The following ATL1 variants were observed in gnomAD, a reference collection of about 807,000 sequenced individuals.
ATL1 encodes the protein atlastin-1.
Under a neutral mutation model 75.5 loss-of-function variants are expected in ATL1, and 31 were observed. The observed-to-expected ratio is 0.41, with a 90% confidence interval of 0.31 to 0.55. The LOEUF is 0.55. ATL1 is among the 20% of genes least tolerant of loss of function. ATL1 has a pLI of 0.27. For missense variants in ATL1, 405 were observed against 662.6 expected, an observed-to-expected ratio of 0.61 and a Z score of 4.27; for synonymous variants, 226 against 233.3, an observed-to-expected ratio of 0.97 and a Z score of 0.28.
At chr14:50,592,862 G>A (rs1326247517) in intron 4 of ATL1, among the ~76,000 whole-genome samples, 1 of 146,518 alleles carries the variant, frequency 6.8e-6, no homozygotes, top group Admixed American at 6.8e-5. Context: ...GCAGTGAGCC[G>A]AGATTGCGCC....
At chr14:50,572,026 T>A in intron 1 of ATL1, 2 of 542,338 alleles carry the variant, frequency 3.7e-6, no homozygotes, top group Non-Finnish European at 7.1e-6. Flanking sequence ...ATCACAAGAT[T>A]CATAAAGGGA....
chr14:50,630,668 T>C (rs2039571032), intron 13 of ATL1, among the ~76,000 whole-genome samples: 1 of 152,212 alleles, frequency 6.6e-6, no homozygotes, highest in African/African-American at 2.4e-5. Flanking sequence ...TGAACAACTA[T>C]AGAGATAATT....
chr14:50,538,968 C>T (rs1398316799), intron 1 of ATL1, among the ~76,000 whole-genome samples: 1 of 152,202 alleles, frequency 6.6e-6, no homozygotes, highest in Non-Finnish European at 1.5e-5. Flanking sequence ...TATGGGTGCG[C>T]ACCACTGTGC....
At chr14:50,564,675 A>AAAG (rs1421685442) in intron 1 of ATL1, among the ~76,000 whole-genome samples, 7 of 149,566 alleles carry the variant, frequency 4.7e-5, no homozygotes, top group East Asian at 2.0e-4. Context: ...AAAAAAAAAA[A>AAAG]AAGAAGAAGA....
At chr14:50,534,801 T>A (rs1165568744) in intron 1 of ATL1, among the ~76,000 whole-genome samples, 2 of 152,276 alleles carry the variant, frequency 1.3e-5, no homozygotes, top group Non-Finnish European at 2.9e-5. Flanking sequence ...TAAGGATTTT[T>A]AAAATACTGG....
intron 4 of ATL1, among the ~76,000 whole-genome samples, chr14:50,592,158 T>G (rs1241329909): frequency 6.6e-6 from 1 of 152,214 alleles, no homozygotes; most frequent in Non-Finnish European, 1.5e-5. Context: ...TTTCACTTTT[T>G]TAAAAGTCTT....
rs199839339 is a variant in ATL1 at position 50,605,476 on chromosome 14, CAT to C, written c.631-7780_631-7779del. Among the ~76,000 whole-genome samples the C allele has an allele frequency of 8.3e-3, 1,260 of 151,992 alleles. 26 individuals are homozygous for C. Among genetic ancestry groups the C allele is most frequent in the African/African-American group, 0.028 (1,181 of 41,508 alleles). Reference sequence around the variant, plus strand: ...GAGTCTATATTTTATATCTGAGCCTCATATGTTTTTTCTTCAATATTCATATT... The same window carrying C: ...GAGTCTATATTTTATATCTGAGCCTCATGTTTTTTCTTCAATATTCATATT... On this transcript the variant is annotated intron_variant, in intron 6 of 13. Transcript: ENST00000358385.
intron 1 of ATL1, among the ~76,000 whole-genome samples, chr14:50,553,210 G>A (rs1267550974): frequency 6.6e-6 from 1 of 150,980 alleles, no homozygotes; most frequent in African/African-American, 2.4e-5. Context: ...GCAGGAGAAT[G>A]CAGTGAGCCG....
intron 2 of ATL1, among the ~76,000 whole-genome samples, chr14:50,588,960 AT>A (rs1373493159): frequency 6.6e-6 from 1 of 152,098 alleles, no homozygotes; most frequent in Non-Finnish European, 1.5e-5. Flanking sequence ...CTCAATAGTA[AT>A]TATTTATTGA....
intron 1 of ATL1, among the ~76,000 whole-genome samples, chr14:50,581,238 C>T (rs2039052346): frequency 6.6e-6 from 1 of 151,214 alleles, no homozygotes; most frequent in South Asian, 2.1e-4. Flanking sequence ...TGATTTTTTT[C>T]AAGCATCTTT....
intron 1 of ATL1, among the ~76,000 whole-genome samples, chr14:50,575,921 T>C (rs573914224): frequency 6.6e-6 from 1 of 152,220 alleles, no homozygotes; most frequent in African/African-American, 2.4e-5. Context: ...GAACACCACA[T>C]AGAATGAAAA....
intron 1 of ATL1, among the ~76,000 whole-genome samples, chr14:50,562,137 C>T (rs1306169319): frequency 2.6e-5 from 4 of 152,032 alleles, no homozygotes. Context: ...CTCCACCTCC[C>T]GGGTTCACGC....
At chr14:50,616,553 C>A (rs546231793) in intron 8 of ATL1, among the ~76,000 whole-genome samples, 91 of 152,026 alleles carry the variant, frequency 6.0e-4, no homozygotes, top group African/African-American at 2.1e-3. Context: ...TCTTGAACTC[C>A]TGGCCTCAAG....
chr14:50,553,858 A>G (rs1247911806), intron 1 of ATL1, among the ~76,000 whole-genome samples: 4 of 152,178 alleles, frequency 2.6e-5, no homozygotes, highest in African/African-American at 9.7e-5. Flanking sequence ...GGAATGGAAA[A>G]CCAAATATTG....
intron 6 of ATL1, among the ~76,000 whole-genome samples, chr14:50,601,075 T>C (rs545733423): frequency 3.9e-5 from 6 of 152,176 alleles, no homozygotes; most frequent in African/African-American, 1.4e-4. Flanking sequence ...ACCGCTGCAC[T>C]CCAGCCTGGG....
In ATL1 at chr14:50,632,264, C is replaced by A. The variant is rs752327695; in HGVS notation, c.1602C>A (p.His534Gln). Residue 534 changes from histidine to glutamine, a missense_variant, in exon 14 of 14, where the codon CAC (histidine) becomes CAA (glutamine). By Grantham distance (24) the His-to-Gln change is conservative (BLOSUM62 0). Around this residue, in one of 5 missense-constraint regions of ATL1, gnomAD observed 163 missense variants for 244.1 expected, o/e 0.67. Transcript: ENST00000358385. The stretch of plus-strand genomic sequence containing the variant: ...AGCTTTACAGTGCAGCAGCAACCCA[C>A]AGACATCTGTATCATCAAGCTTTCC... Reference protein sequence around the residue: ...LYKLYSAAATHRHLYHQAFPT... With the variant: ...LYKLYSAAATQRHLYHQAFPT... The A allele has an allele frequency of 3.1e-6, 5 of 1,612,648 alleles. No homozygotes were observed. Among genetic ancestry groups the A allele is most frequent in the Admixed American group, 1.7e-5 (1 of 59,944 alleles).
chr14:50,609,292 A>T (rs994006902), intron 6 of ATL1, among the ~76,000 whole-genome samples: 1 of 152,042 alleles, frequency 6.6e-6, no homozygotes, highest in African/African-American at 2.4e-5. Context: ...ATGCGGGACA[A>T]AAGGGAGAGA....
intron 1 of ATL1, chr14:50,542,652 G>GT (rs200016265): frequency 0.013 from 1,898 of 150,440 alleles, 21 homozygotes; most frequent in Non-Finnish European, 0.019. Flanking sequence ...TTTGCCACCT[G>GT]TTTTTTTTTC....
chr14:50,584,716 T>A (rs928772948), intron 1 of ATL1, among the ~76,000 whole-genome samples: 2 of 150,478 alleles, frequency 1.3e-5, no homozygotes, highest in Non-Finnish European at 3.0e-5. Flanking sequence ...CTCAAAAAAA[T>A]AAATAAATAA....
Sources: gnomAD v4.1 joint callset for allele counts (sites outside exome capture counted in the v4.1 genomes callset) on GRCh38, gnomAD v4.1.1 for gene constraint, gnomAD v4.1.1 regional missense constraint, MANE v1.5 for transcripts, NCBI Gene and HGNC (gene_info 2026-07-23, HGNC 2026-07-21) for gene names.